Variants in CEP112 observed in about 807,000 individuals in gnomAD.
CEP112 encodes centrosomal protein of 112 kDa.
CEP112 carries 127 observed loss-of-function variants against 153.0 expected under a neutral mutation model. The observed-to-expected ratio is 0.83, with a 90% CI of 0.72 to 0.96. The LOEUF (loss-of-function observed/expected upper bound fraction) is 0.96, where lower values mean the gene tolerates loss of function less well. CEP112 is among the 40% of genes least tolerant of loss of function. CEP112 has a pLI of 0.00. For missense variants in CEP112, 1,089 were observed against 1,101.2 expected (o/e 0.99, Z 0.16); for synonymous variants, 358 against 374.4 (o/e 0.96, Z 0.51).
At chr17:65,957,570 T>G (rs7225661) in intron 18 of CEP112, among the ~76,000 whole-genome samples, 72,928 of 151,936 alleles carry the variant, frequency 0.48, 18,499 homozygotes, top group East Asian at 0.89. Flanking sequence ...ATTCTAACTT[T>G]TGTGTTAACT....
intron 24 of CEP112, among the ~76,000 whole-genome samples, chr17:65,666,416 C>T (rs1315449832): frequency 1.3e-5 from 2 of 152,214 alleles, no homozygotes; most frequent in Non-Finnish European, 2.9e-5. Flanking sequence ...TGACGATCTG[C>T]TGATGACTGA....
intron 21 of CEP112, chr17:65,797,204 A>G (rs1051040641): frequency 2.0e-5 from 3 of 152,306 alleles, no homozygotes; most frequent in Non-Finnish European, 4.4e-5. Flanking sequence ...GGCTTCCACA[A>G]GAGTGACTGG....
chr17:65,956,409 T>TACACACACACACACACAC (rs55652336), intron 18 of CEP112, among the ~76,000 whole-genome samples: 2 of 146,618 alleles, frequency 1.4e-5, no homozygotes, highest in East Asian at 2.0e-4. Flanking sequence ...CATACATACA[T>TACACACACACACACACAC]ACACACACAC....
At chr17:65,663,125 T>G (rs902445701) in intron 24 of CEP112, among the ~76,000 whole-genome samples, 1 of 152,224 alleles carries the variant, frequency 6.6e-6, no homozygotes, top group African/African-American at 2.4e-5. Context: ...AAAATTCTTT[T>G]TTTCTCCTTC....
chr17:65,697,611 G>A (rs2048418650), intron 23 of CEP112, among the ~76,000 whole-genome samples: 1 of 152,074 alleles, frequency 6.6e-6, no homozygotes, highest in Non-Finnish European at 1.5e-5. Context: ...CACAAGGAGC[G>A]ATAAATGTGG....
intron 20 of CEP112, among the ~76,000 whole-genome samples, chr17:65,860,813 A>G (rs1480081174): frequency 6.6e-6 from 1 of 152,242 alleles, no homozygotes; most frequent in African/African-American, 2.4e-5. Flanking sequence ...ATGAATGTTC[A>G]TAGCAGCAAT....
intron 23 of CEP112, among the ~76,000 whole-genome samples, chr17:65,699,733 T>C (rs8066748): frequency 0.011 from 1,734 of 152,206 alleles, 38 homozygotes; most frequent in African/African-American, 0.04. Context: ...GCTCAAGTCA[T>C]CTTCCTACAT....
chr17:66,028,554 A>G, intron 14 of CEP112, 149 bp from the exon 15 acceptor site: 1 of 424,184 alleles, frequency 2.4e-6, no homozygotes, highest in Non-Finnish European at 4.2e-6. Context: ...TGTTTTTAAA[A>G]GATACTAGAA....
At chr17:65,917,978 A>G (rs560674399) in intron 19 of CEP112, among the ~76,000 whole-genome samples, 70 of 152,076 alleles carry the variant, frequency 4.6e-4, no homozygotes, top group Non-Finnish European at 8.7e-4. Flanking sequence ...GGAGTTCAAG[A>G]CCAGTCTGGG....
At chr17:65,699,538 C>A (rs1384544923) in intron 23 of CEP112, among the ~76,000 whole-genome samples, 1 of 152,148 alleles carries the variant, frequency 6.6e-6, no homozygotes. Context: ...TGCTCTCTCC[C>A]TTTTGCTAAG....
At chr17:65,868,006 T>C (rs2058540406) in intron 20 of CEP112, among the ~76,000 whole-genome samples, 2 of 151,760 alleles carry the variant, frequency 1.3e-5, no homozygotes, top group African/African-American at 4.8e-5. Flanking sequence ...AAAATCGAAG[T>C]ATATATTTAT....
At chr17:65,891,085 T>C (rs944135959) in intron 20 of CEP112, among the ~76,000 whole-genome samples, 1 of 152,114 alleles carries the variant, frequency 6.6e-6, no homozygotes, top group African/African-American at 2.4e-5. Context: ...AGGTCCGGCA[T>C]AGGGGCCTGG....
intron 4 of CEP112, among the ~76,000 whole-genome samples, chr17:66,137,062 T>C (rs1827811515): frequency 6.6e-6 from 1 of 152,122 alleles, no homozygotes; most frequent in South Asian, 2.1e-4. Flanking sequence ...GATTAGCTGG[T>C]AAGAATTAAA....
chr17:66,051,145 A>AG (rs1297174758), intron 12 of CEP112, among the ~76,000 whole-genome samples: 5 of 16,230 alleles, frequency 3.1e-4, no homozygotes, highest in African/African-American at 3.8e-4. Context: ...GGGCCTAGCT[A>AG]ATTTTTTTTT....
In CEP112 at chr17:66,025,968, C is replaced by CCACACACA. The variant is rs150059801; in HGVS notation, c.1656+1525_1656+1532dup. On this transcript the variant is annotated intron_variant, in intron 16 of 26. Transcript: ENST00000535342. ...ACACACATATATAGATATATATAGA[C>CCACACACA]CACACACACACACACCCCATTTGTA... Among the ~76,000 whole-genome samples, 334 of 130,606 alleles carry CCACACACA rather than the reference C, an allele frequency of 2.6e-3. 5 individuals carry two copies. The highest frequency in any genetic ancestry group is 4.6e-3 in the South Asian group (16 of 3,478). The allele number at this position is 130,606 out of a possible 152,430, so 85.7% of individuals were successfully genotyped here.
chr17:66,121,631 C>T (rs372898860), intron 6 of CEP112, among the ~76,000 whole-genome samples: 7 of 152,072 alleles, frequency 4.6e-5, no homozygotes, highest in African/African-American at 1.7e-4. Flanking sequence ...AAATCTATTG[C>T]TGAGCCCCTA....
At position 66,122,189 on chromosome 17, in the gene CEP112, T is replaced by C. The variant is rs187535445; in HGVS notation, c.642+7557A>G. On this transcript the variant is annotated intron_variant, in intron 6 of 26. Coordinates refer to ENST00000535342, the MANE Select transcript of CEP112 (RefSeq NM_001199165.4). ...GATTATAGGCATGAGCCACTGCGCC[T>C]GGCCCATCACAGCTTTCTTTACTTC... 1.2e-3 allele frequency among the ~76,000 whole-genome samples: 182 copies of C among 152,256 alleles called. 1 individual carries two copies. Among genetic ancestry groups the C allele is most frequent in the Admixed American group, 6.7e-3 (103 of 15,284 alleles).
At chr17:65,857,095 A>G (rs1301891139) in intron 20 of CEP112, among the ~76,000 whole-genome samples, 1 of 152,228 alleles carries the variant, frequency 6.6e-6, no homozygotes, top group Non-Finnish European at 1.5e-5. Flanking sequence ...TAAAAGTTAT[A>G]GACTATTCAG....
intron 20 of CEP112, among the ~76,000 whole-genome samples, chr17:65,890,151 C>T (rs180784849): frequency 3.9e-5 from 6 of 152,134 alleles, no homozygotes; most frequent in Admixed American, 2.6e-4. Flanking sequence ...CCTAGTGAAC[C>T]CCACTTGGGA....
Sources: allele counts gnomAD v4.1 joint callset (sites outside exome capture counted in the v4.1 genomes callset), GRCh38; gene constraint gnomAD v4.1.1; transcripts MANE v1.5; gene names NCBI Gene and HGNC (gene_info 2026-07-23, HGNC 2026-07-21).